SEMA6A: variants seen among roughly 807,000 people sequenced by gnomAD.
The protein encoded by SEMA6A is semaphorin 6A.
SEMA6A carries 25 observed loss-of-function variants against 96.8 expected under a neutral mutation model. The ratio of observed to expected loss-of-function variants is 0.26; its 90% CI spans 0.19 to 0.36. The LOEUF (loss-of-function observed/expected upper bound fraction) is 0.36, where lower values mean the gene tolerates loss of function less well. Ranked by LOEUF, SEMA6A falls within the 10% of genes least tolerant of loss-of-function variation. The pLI is 1.00. For synonymous variants in SEMA6A, 612 were observed against 518.0 expected, an observed-to-expected ratio of 1.18 and a Z score of -2.46; for missense variants, 1,363 against 1,323.1, an observed-to-expected ratio of 1.03 and a Z score of -0.47.
At chr5:116,465,078 AGCACCCGTCACAG>A (rs1195891635) in intron 18 of SEMA6A, among the ~76,000 whole-genome samples, 4 of 152,196 alleles carry the variant, frequency 2.6e-5, no homozygotes, top group Non-Finnish European at 4.4e-5. Flanking sequence ...CAGTAGAAAG[AGCACCCGTCACAG>A]GCCCTTAGAA....
chr5:116,478,797 C>T (rs1053168823), intron 12 of SEMA6A, 79 bp from the exon 13 acceptor site: 44 of 1,393,334 alleles, frequency 3.2e-5, no homozygotes, highest in South Asian at 2.8e-4. Flanking sequence ...CAAACAGCTG[C>T]GACATAGCCT....
intron 11 of SEMA6A, 122 bp from the exon 12 acceptor site, chr5:116,480,399 G>A: frequency 8.2e-7 from 1 of 1,218,194 alleles, no homozygotes; most frequent in Non-Finnish European, 1.2e-6. Flanking sequence ...CCTGAGAGGA[G>A]GAAGTTGAAC....
chr5:116,443,737 TACA>T lies in SEMA6A; in HGVS notation c.*2873_*2875del, dbSNP rs1466277790. ...TGACATCACAATATTTTTACAACTT[TACA>T]ACAAATATAAATCTGAGTTTGTTGC... is the stretch of plus-strand genomic sequence containing the variant. On this transcript the variant is annotated 3_prime_UTR_variant, in exon 19 of 19. Transcript: ENST00000343348. The T allele has an allele frequency of 6.6e-6, 1 of 152,496 alleles. No individual in the cohort carries two copies. The highest frequency in any genetic ancestry group is 1.5e-5 in the Non-Finnish European group (1 of 67,968). The allele number at this position is 152,496 out of a possible 1,614,324, so 9.4% of individuals were successfully genotyped here. A position where few individuals can be genotyped will look rare whatever the true frequency, so the allele number is the denominator to read the frequency against.
chr5:116,508,178 A>T (rs1758237730), intron 1 of SEMA6A: 1 of 152,208 alleles, frequency 6.6e-6, no homozygotes, highest in African/African-American at 2.4e-5. Flanking sequence ...CAGATTGAAG[A>T]CGAAACAAAG....
chr5:116,536,412 C>A (rs899847348), intron 1 of SEMA6A: 3 of 152,238 alleles, frequency 2.0e-5, no homozygotes, highest in African/African-American at 7.2e-5. Context: ...GAGACATTGT[C>A]CTGGGGAGCC....
chr5:116,450,558 C>T (rs942240736), intron 18 of SEMA6A, among the ~76,000 whole-genome samples: 1 of 152,190 alleles, frequency 6.6e-6, no homozygotes, highest in Non-Finnish European at 1.5e-5. Context: ...AGGTCCTTGG[C>T]TATTTTAGAC....
chr5:116,449,505 C>A (rs983066422), intron 18 of SEMA6A: 3 of 574,934 alleles, frequency 5.2e-6, no homozygotes, highest in Non-Finnish European at 9.3e-6. Flanking sequence ...TTGTCACAGC[C>A]GAGACCTTGA....
intron 1 of SEMA6A, among the ~76,000 whole-genome samples, chr5:116,525,783 G>A (rs984715357): frequency 2.0e-5 from 3 of 152,194 alleles, no homozygotes; most frequent in Admixed American, 2.0e-4. Context: ...TACTTGGCTT[G>A]TAGTTCTCTT....
chr5:116,508,214 CGT>C (rs760366365), intron 1 of SEMA6A: 3 of 152,108 alleles, frequency 2.0e-5, no homozygotes, highest in Non-Finnish European at 2.9e-5. Context: ...GTCTGAAAAC[CGT>C]GTGAATGCAT....
chr5:116,500,580 G>A (rs1757828149), intron 3 of SEMA6A, among the ~76,000 whole-genome samples: 1 of 152,168 alleles, frequency 6.6e-6, no homozygotes, highest in Non-Finnish European at 1.5e-5. Flanking sequence ...GGCAGTTTCA[G>A]GATGTTTTAG....
intron 18 of SEMA6A, among the ~76,000 whole-genome samples, chr5:116,467,091 T>C (rs150796957): frequency 2.6e-5 from 4 of 152,244 alleles, no homozygotes; most frequent in Admixed American, 2.6e-4. Flanking sequence ...CTGAGGAACA[T>C]GGCTCTATTC....
Position 116,495,429 on chromosome 5 carries a change from G to C in SEMA6A, c.428C>G (p.Ser143Cys), listed in dbSNP as rs1379675127. Reference sequence around the variant, plus strand: ...AGCATTTACCTTATAGTTTCTGCAGGAAGGGTTGAAGGCATTAGTTCCACA... The same window carrying C: ...AGCATTTACCTTATAGTTTCTGCAGCAAGGGTTGAAGGCATTAGTTCCACA... ...FVCGTNAFNP[S>C]CRNYKMDTLE... Residue 143 changes from serine (S) to cysteine (C), a missense_variant, in exon 6 of 19, where the codon TCC (serine) becomes TGC (cysteine). This residue lies in a region of SEMA6A where 480 missense variants were observed against 559.5 expected (regional missense o/e 0.86). Coordinates refer to ENST00000343348, the MANE Select transcript of SEMA6A (RefSeq NM_020796.5). The C allele has an allele frequency of 1.2e-6, 2 of 1,609,360 alleles. No individual in the cohort carries two copies. Among genetic ancestry groups the C allele is most frequent in the Non-Finnish European group, 1.7e-6 (2 of 1,177,576 alleles).
chr5:116,520,698 C>T, intron 1 of SEMA6A, among the ~76,000 whole-genome samples: 1 of 152,120 alleles, frequency 6.6e-6, no homozygotes, highest in Non-Finnish European at 1.5e-5. Flanking sequence ...ATGGACTAGC[C>T]TACCTAAGGG....
At chr5:116,484,451 A>G (rs1297792279) in intron 10 of SEMA6A, among the ~76,000 whole-genome samples, 2 of 152,064 alleles carry the variant, frequency 1.3e-5, no homozygotes, top group Non-Finnish European at 2.9e-5. Flanking sequence ...CAGTAAGTGC[A>G]CCACAAACAA....
At chr5:116,541,318 G>A (rs930013472) in intron 1 of SEMA6A, among the ~76,000 whole-genome samples, 3 of 152,162 alleles carry the variant, frequency 2.0e-5, no homozygotes, top group African/African-American at 7.2e-5. Flanking sequence ...CTAGAGGTAA[G>A]AGGGGTAAGA....
chr5:116,489,671 A>G (rs1757240326), intron 7 of SEMA6A, among the ~76,000 whole-genome samples: 1 of 152,234 alleles, frequency 6.6e-6, no homozygotes. Context: ...GGCTAAAGCC[A>G]AGAAGAAAGG....
intron 1 of SEMA6A, among the ~76,000 whole-genome samples, chr5:116,535,569 C>A (rs1759670510): frequency 6.6e-6 from 1 of 152,132 alleles, no homozygotes; most frequent in African/African-American, 2.4e-5. Flanking sequence ...AGCTAAGGTT[C>A]AAGGGGACCC....
intron 1 of SEMA6A, among the ~76,000 whole-genome samples, chr5:116,517,423 CTCTTA>C (rs1758723170): frequency 6.6e-6 from 1 of 151,946 alleles, no homozygotes; most frequent in Non-Finnish European, 1.5e-5. Context: ...ATGAGAACGT[CTCTTA>C]ATTATTCCAC....
chr5:116,509,603 T>TGAGAGA (rs1433057336), intron 1 of SEMA6A, among the ~76,000 whole-genome samples: 3 of 94,726 alleles, frequency 3.2e-5, no homozygotes, highest in African/African-American at 6.8e-5. Context: ...TGTCTCTGTG[T>TGAGAGA]GTGTGAGAGA....
Sources: gnomAD v4.1 joint callset for allele counts (sites outside exome capture counted in the v4.1 genomes callset) on GRCh38, gnomAD v4.1.1 for gene constraint, gnomAD v4.1.1 regional missense constraint, MANE v1.5 for transcripts, NCBI Gene and HGNC (gene_info 2026-07-23, HGNC 2026-07-21) for gene names.